NBR1: variants seen among roughly 807,000 people sequenced by gnomAD.
The protein encoded by NBR1 is NBR1 autophagy cargo receptor.
A neutral mutation model predicts 115.5 loss-of-function variants in NBR1; 59 were observed. That is an observed-to-expected ratio of 0.51 (90% confidence interval 0.41 to 0.63). The LOEUF is 0.63. NBR1 is among the 30% of genes least tolerant of loss of function. The pLI, the probability that NBR1 is intolerant of heterozygous loss-of-function variation, is 0.00. For missense variants in NBR1, 1,043 were observed against 1,150.5 expected, an observed-to-expected ratio of 0.91 and a Z score of 1.35; for synonymous variants, 373 against 414.7, an observed-to-expected ratio of 0.90 and a Z score of 1.22.
In NBR1 at chr17:43,190,641, G is replaced by C; in HGVS notation, c.728G>C (p.Cys243Ser). Residue 243 changes from cysteine (C) to serine (S), a missense_variant, in exon 9 of 21, where the codon TGT (cysteine) becomes TCT (serine). Transcript: ENST00000590996. The part of the protein sequence containing the change: ...LCPSYNICED[C>S]EAGPYGHDTN... ...CCATCCTACAATATCTGTGAAGATT[G>C]TGAAGCAGGGCCATATGGCCATGAC... The C allele has an allele frequency of 1.2e-6, 2 of 1,603,522 alleles. No homozygotes were observed. Among genetic ancestry groups the C allele is most frequent in the South Asian group, 2.2e-5 (2 of 89,456 alleles).
Position 43,193,132 on chromosome 17 carries a change from T to A in NBR1, c.1112T>A (p.Leu371His). 1 of 1,613,956 alleles carries A rather than the reference T, an allele frequency of 6.2e-7. No individual in the cohort carries two copies. The highest frequency in any genetic ancestry group is 8.5e-7 in the Non-Finnish European group (1 of 1,179,886). ...LQPCTSVMPM[L>H]SAAFVDENLP... is the part of the protein sequence containing the mutation. ...CCCTGTACCTCCGTTATGCCAATGC[T>A]CAGTGCAGCATTTGTGGATGAGAAT... Residue 371 changes from leucine (L) to histidine (H), a missense_variant, in exon 11 of 21, where the codon CTC becomes CAC. By Grantham distance (99) the Leu-to-His change is moderately conservative (BLOSUM62 -3). Transcript: ENST00000590996.
intron 2 of NBR1, among the ~76,000 whole-genome samples, chr17:43,177,572 AACACAC>A (rs60320098): frequency 0.035 from 4,532 of 131,252 alleles, 104 homozygotes; most frequent in Middle Eastern, 0.062. Flanking sequence ...CCCCACCCAA[AACACAC>A]ACACACACAC....
intron 1 of NBR1, among the ~76,000 whole-genome samples, chr17:43,173,141 A>C (rs1011100141): frequency 3.1e-4 from 47 of 151,934 alleles, no homozygotes; most frequent in African/African-American, 1.1e-3. Context: ...ATTTTTTAAA[A>C]TGTTTAATTG....
At chr17:43,175,762 C>T (rs1463569472) in intron 1 of NBR1, 29 bp from the exon 2 acceptor site, 15 of 1,087,198 alleles carry the variant, frequency 1.4e-5, no homozygotes, top group East Asian at 1.2e-4. Context: ...GTGTTTTTCT[C>T]TCTCTCCCAC....
chr17:43,202,811 G>A (rs2057233280), intron 19 of NBR1, 99 bp downstream of exon 19: 1 of 924,374 alleles, frequency 1.1e-6, no homozygotes, highest in Admixed American at 2.3e-5. Context: ...CATCTTCAGA[G>A]AGCAGAGAAG....
At chr17:43,193,665 C>T in intron 12 of NBR1, 27 bp downstream of exon 12, 2 of 1,581,244 alleles carry the variant, frequency 1.3e-6, no homozygotes, top group South Asian at 2.3e-5. Flanking sequence ...AGGCTTTGGC[C>T]TAGTATCCAA....
rs1415964991 is a variant in NBR1, at chr17:43,202,732, T to C, written c.2621+20T>C. On this transcript the variant is annotated intron_variant, in intron 19 of 20. Coordinates refer to ENST00000590996, the MANE Select transcript of NBR1 (RefSeq NM_005899.5). ...CTCAAGGTAACAACCTTGTGCAGTCTCTTTTTTCAGAAGCAGGTGGATATT... is the reference window on the plus strand; with the variant it reads ...CTCAAGGTAACAACCTTGTGCAGTCCCTTTTTTCAGAAGCAGGTGGATATT... 6.4e-7 allele frequency: 1 copy of C among 1,554,258 alleles called. No individual in the cohort carries two copies. The highest frequency in any genetic ancestry group is 8.7e-7 in the Non-Finnish European group (1 of 1,146,032).
chr17:43,203,778 A>G lies in NBR1; in HGVS notation c.2719A>G (p.Thr907Ala), dbSNP rs1296650802. The G allele has an allele frequency of 6.3e-7, 1 of 1,589,068 alleles. No individual in the cohort carries two copies. The highest frequency in any genetic ancestry group is 1.8e-5 in the Admixed American group (1 of 56,746). The change falls in exon 20 of 21, where the codon ACT (threonine) becomes GCT (alanine). Residue 907 changes from threonine to alanine, a missense_variant. Physicochemically the swap from Thr to Ala is moderately conservative, Grantham distance 58. Transcript: ENST00000590996. ...YKALFAGPPV[T>A]AQPIISEDQT... ...GGCCCTGTTTGCTGGGCCACCAGTC[A>G]CTGCACAGGTCAGTGTGTGTGTTTT...
chr17:43,192,143 C>T (rs532248773), intron 10 of NBR1, among the ~76,000 whole-genome samples: 3 of 150,888 alleles, frequency 2.0e-5, no homozygotes, highest in Non-Finnish European at 4.4e-5. Context: ...GCCTCAGCCT[C>T]CTGAGTAGCT....
Position 43,196,466 on chromosome 17 carries a change from G to A in NBR1, c.1751-15G>A. ...CTTTCTCTTGATTGATGGTTCTCCTGTCTTCATTCTCCAGATGTGACTCCC... is the reference window on the plus strand; with the variant it reads ...CTTTCTCTTGATTGATGGTTCTCCTATCTTCATTCTCCAGATGTGACTCCC... On this transcript the variant is annotated splice_polypyrimidine_tract_variant and intron_variant, in intron 14 of 20. Coordinates refer to ENST00000590996, the MANE Select transcript of NBR1 (RefSeq NM_005899.5). 6.8e-7 allele frequency: 1 copy of A among 1,468,468 alleles called. No individual in the cohort carries two copies. Among genetic ancestry groups the A allele is most frequent in the South Asian group, 1.3e-5 (1 of 77,188 alleles). 91.0% of individuals were successfully genotyped at this position (1,468,468 alleles called of 1,614,324 possible).
intron 13 of NBR1, 160 bp from the exon 14 acceptor site, chr17:43,194,804 A>G: frequency 1.5e-6 from 1 of 647,558 alleles, no homozygotes; most frequent in South Asian, 2.0e-5. Flanking sequence ...TTATTTCAAC[A>G]TCTAATTCCC....
chr17:43,174,229 C>G (rs1199528157), intron 1 of NBR1, among the ~76,000 whole-genome samples: 1 of 151,982 alleles, frequency 6.6e-6, no homozygotes, highest in African/African-American at 2.4e-5. Context: ...ATGAAAGAAG[C>G]TAGCTTATGG....
rs996405292 is a variant in NBR1 at position 43,206,244 on chromosome 17, GATTTT to G, written c.2727+2465_2727+2469del. On this transcript the variant is annotated intron_variant, in intron 20 of 20. Coordinates refer to ENST00000590996, the MANE Select transcript of NBR1 (RefSeq NM_005899.5). ...GCAGGATGCTGTGTTATGAGGTTTG[GATTTT>G]ATTTTAAGGCTAATTAATAGGAGGA... is the stretch of plus-strand genomic sequence containing the variant. Among the ~76,000 whole-genome samples the G allele has an allele frequency of 3.5e-4, 53 of 151,968 alleles. 2 individuals are homozygous for G. Among genetic ancestry groups the G allele is most frequent in the Admixed American group, 3.3e-3 (50 of 15,246 alleles).
At chr17:43,196,341 G>A in intron 14 of NBR1, 140 bp from the exon 15 acceptor site, 1 of 536,710 alleles carries the variant, frequency 1.9e-6, no homozygotes, top group Non-Finnish European at 3.2e-6. Flanking sequence ...GAAATTTTTT[G>A]TAACAGACCT....
At chr17:43,191,229 A>C (rs561451718) in intron 9 of NBR1, 143 bp from the exon 10 acceptor site, 32 of 655,884 alleles carry the variant, frequency 4.9e-5, no homozygotes, top group Non-Finnish European at 8.0e-5. Context: ...ACTCCAGCCT[A>C]CATGACAGAG....
intron 10 of NBR1, 107 bp from the exon 11 acceptor site, chr17:43,192,987 G>A (rs2056983360): frequency 3.6e-6 from 4 of 1,097,174 alleles, no homozygotes; most frequent in Non-Finnish European, 5.3e-6. Context: ...AAGGCAAATG[G>A]GTTAGCACAT....
rs182706890 is a variant in NBR1, at chr17:43,185,230, A to G, written c.208-1020A>G. On this transcript the variant is annotated intron_variant, in intron 5 of 20. Transcript: ENST00000590996. Reference sequence around the variant, plus strand: ...GCAACACAATACTTTTGTGGTTTTAATAACAAAACCAAGTTCATGACCGGC... The same window carrying G: ...GCAACACAATACTTTTGTGGTTTTAGTAACAAAACCAAGTTCATGACCGGC... Among the ~76,000 whole-genome samples the G allele has an allele frequency of 6.6e-5, 10 of 152,288 alleles. No individual in the cohort carries two copies. The East Asian group carries it at 1.5e-3, about 23-fold the overall frequency.
rs1223728316 is a variant in NBR1, at chr17:43,210,800, GA to G, written c.*732del. ...ATTTTGCATACATTTTTATTTAAGG[GA>G]AAAAATATAGGTATTGTGAAATATT... On this transcript the variant is annotated 3_prime_UTR_variant, in exon 21 of 21. Coordinates refer to ENST00000590996, the MANE Select transcript of NBR1 (RefSeq NM_005899.5). 2.5e-5 allele frequency: 10 copies of G among 398,098 alleles called. No individual in the cohort carries two copies. Among genetic ancestry groups the G allele is most frequent in the South Asian group, 1.3e-4 (1 of 7,818 alleles). 24.7% of individuals were successfully genotyped at this position (398,098 alleles called of 1,614,324 possible). A position where few individuals can be genotyped will look rare whatever the true frequency, so the allele number is the denominator to read the frequency against.
chr17:43,193,657 G>A lies in NBR1; in HGVS notation c.1524+19G>A, dbSNP rs1394629197. Reference sequence around the variant, plus strand: ...GCAAGAGGTGAGCATTGACTGACAGGCTTTGGCCTAGTATCCAAATCTTAG... The same window carrying A: ...GCAAGAGGTGAGCATTGACTGACAGACTTTGGCCTAGTATCCAAATCTTAG... On this transcript the variant is annotated intron_variant, in intron 12 of 20. Transcript: ENST00000590996. 4 of 1,591,366 alleles carry A rather than the reference G, an allele frequency of 2.5e-6. No individual in the cohort carries two copies. Among genetic ancestry groups the A allele is most frequent in the Non-Finnish European group, 3.4e-6 (4 of 1,167,436 alleles).
Sources: gnomAD v4.1 joint callset for allele counts (sites outside exome capture counted in the v4.1 genomes callset) on GRCh38, gnomAD v4.1.1 for gene constraint, MANE v1.5 for transcripts, NCBI Gene and HGNC (gene_info 2026-07-23, HGNC 2026-07-21) for gene names.